Variants in GALNT10 observed in about 807,000 individuals in gnomAD.
GALNT10 encodes the protein GalNAc transferase 10.
A neutral mutation model predicts 75.0 loss-of-function variants in GALNT10; 41 were observed. The observed-to-expected ratio is 0.55, with a 90% CI of 0.43 to 0.71. The LOEUF (loss-of-function observed/expected upper bound fraction) is 0.71, where lower values mean the gene tolerates loss of function less well. Ranked by LOEUF, GALNT10 falls within the 30% of genes least tolerant of loss-of-function variation. The probability of loss-of-function intolerance (pLI) is 0.00; values close to 1 mark genes in which losing one functional copy is unlikely to be tolerated. For missense variants in GALNT10, 727 were observed against 818.5 expected, an observed-to-expected ratio of 0.89 and a Z score of 1.36; for synonymous variants, 302 against 313.0, an observed-to-expected ratio of 0.96 and a Z score of 0.37.
chr5:154,225,431 C>T (rs11746750), intron 1 of GALNT10, among the ~76,000 whole-genome samples: 3,474 of 151,456 alleles, frequency 0.023, 62 homozygotes, highest in Non-Finnish European at 0.035. Flanking sequence ...CACTCTGTCG[C>T]CCAGGCTGGA....
chr5:154,387,167 A>G (rs1424956915), intron 7 of GALNT10: 1 of 152,252 alleles, frequency 6.6e-6, no homozygotes, highest in Non-Finnish European at 1.5e-5. Context: ...AACCTACTTG[A>G]CCAGCCTATG....
At chr5:154,354,717 T>A (rs932346842) in intron 4 of GALNT10, among the ~76,000 whole-genome samples, 1 of 152,166 alleles carries the variant, frequency 6.6e-6, no homozygotes, top group African/African-American at 2.4e-5. Flanking sequence ...TTAAGGACAT[T>A]ACAGAAGGCA....
intron 7 of GALNT10, among the ~76,000 whole-genome samples, chr5:154,397,993 C>T (rs1399389066): frequency 6.6e-6 from 1 of 152,210 alleles, no homozygotes; most frequent in East Asian, 1.9e-4. Flanking sequence ...CTTTTATAGG[C>T]ACTGTAATGA....
chr5:154,313,933 T>G (rs192176449), intron 3 of GALNT10, among the ~76,000 whole-genome samples: 4 of 152,322 alleles, frequency 2.6e-5, no homozygotes, highest in Admixed American at 2.6e-4. Context: ...GACTTCCACT[T>G]AGTCAGTTTC....
intron 3 of GALNT10, among the ~76,000 whole-genome samples, chr5:154,309,032 AG>A (rs1434778704): frequency 6.6e-6 from 1 of 152,212 alleles, no homozygotes; most frequent in Non-Finnish European, 1.5e-5. Flanking sequence ...GATAGCAATA[AG>A]TGATGTGGGG....
At position 154,286,469 on chromosome 5, in the gene GALNT10, G is replaced by A. The variant is rs1478325656; in HGVS notation, c.160-8347G>A. On this transcript the variant is annotated intron_variant, in intron 1 of 11. Coordinates refer to ENST00000297107, the MANE Select transcript of GALNT10 (RefSeq NM_198321.4). Reference sequence around the variant, plus strand: ...GAAATTGTTCTTTTAGAATGGAAGGGAAAAGCTACTGAAGGTTCTATTTGC... The same window carrying A: ...GAAATTGTTCTTTTAGAATGGAAGGAAAAAGCTACTGAAGGTTCTATTTGC... Among the ~76,000 whole-genome samples the A allele has an allele frequency of 2.0e-5, 3 of 151,586 alleles. No individual in the cohort carries two copies. In the East Asian group the frequency reaches 5.8e-4, roughly 29 times the overall value.
intron 4 of GALNT10, among the ~76,000 whole-genome samples, chr5:154,341,550 A>G (rs1340768353): frequency 6.6e-6 from 1 of 152,208 alleles, no homozygotes; most frequent in Non-Finnish European, 1.5e-5. Context: ...ATGGTTTAGA[A>G]TATTCTAAAT....
intron 1 of GALNT10, among the ~76,000 whole-genome samples, chr5:154,249,529 G>GT (rs1259507275): frequency 6.6e-6 from 1 of 151,952 alleles, no homozygotes; most frequent in Non-Finnish European, 1.5e-5. Flanking sequence ...TTAATCCTAT[G>GT]CCCACCACCA....
intron 1 of GALNT10, among the ~76,000 whole-genome samples, chr5:154,290,258 ATTTTTTTTTTT>A (rs71577131): frequency 1.0e-5 from 1 of 98,918 alleles, no homozygotes; most frequent in African/African-American, 4.0e-5. Flanking sequence ...CACTCAGCTA[ATTTTTTTTTTT>A]TTTTTTTTTT....
chr5:154,274,953 C>G (rs549258565), intron 1 of GALNT10, among the ~76,000 whole-genome samples: 21 of 152,310 alleles, frequency 1.4e-4, no homozygotes, highest in African/African-American at 4.6e-4. Flanking sequence ...GGCCACTCCC[C>G]CTTCACAACA....
Position 154,380,443 on chromosome 5 carries a change from T to A in GALNT10, c.755-5T>A, listed in dbSNP as rs369777038. On this transcript the variant is annotated splice_region_variant and splice_polypyrimidine_tract_variant and intron_variant, in intron 5 of 11. Transcript: ENST00000297107. ...CATCTGATAGGCATCTCTTGGCTTC[T>A]TCAGACCGCATTGCTCGGAACCGCA... The A allele has an allele frequency of 6.2e-7, 1 of 1,612,014 alleles. No homozygotes were observed. The highest frequency in any genetic ancestry group is 1.1e-5 in the South Asian group (1 of 90,880).
At chr5:154,277,579 A>G (rs73805851) in intron 1 of GALNT10, among the ~76,000 whole-genome samples, 1,589 of 152,252 alleles carry the variant, frequency 0.01, 26 homozygotes, top group African/African-American at 0.037. Flanking sequence ...AAACTCTAGA[A>G]TGAAAGAAAT....
At chr5:154,362,860 G>T (rs1194373005) in intron 4 of GALNT10, among the ~76,000 whole-genome samples, 1 of 152,150 alleles carries the variant, frequency 6.6e-6, no homozygotes, top group Non-Finnish European at 1.5e-5. Flanking sequence ...CTAGCTCTCT[G>T]CAAAGTATAT....
rs1756422989 is a variant in GALNT10 at position 154,412,692 on chromosome 5, A to C, written c.1387-197A>C. 3.5e-6 allele frequency: 2 copies of C among 578,998 alleles called. No homozygotes were observed. Among genetic ancestry groups the C allele is most frequent in the South Asian group, 3.7e-5 (2 of 53,880 alleles). The allele number at this position is 578,998 out of a possible 1,614,324, so 35.9% of individuals were successfully genotyped here. On this transcript the variant is annotated intron_variant, in intron 9 of 11. Transcript: ENST00000297107. The surrounding 1 kb of genome is among the most constrained non-coding windows in gnomAD (Gnocchi z 4.2). ...TACTACTTACAGCAGTGCTTTAAGG[A>C]TTACATTCTGTGGACTGAGTCTTCC...
intron 3 of GALNT10, among the ~76,000 whole-genome samples, chr5:154,314,078 C>T (rs1015613796): frequency 6.6e-5 from 10 of 152,152 alleles, no homozygotes; most frequent in Admixed American, 5.2e-4. Flanking sequence ...TGACCTATAC[C>T]GTGGCCTCTG....
chr5:154,192,601 G>C (rs1581912003), intron 1 of GALNT10, among the ~76,000 whole-genome samples: 1 of 152,136 alleles, frequency 6.6e-6, no homozygotes, highest in Admixed American at 6.5e-5. Context: ...CATGATTATT[G>C]GTCCAGTTCT....
chr5:154,410,887 T>C (rs1756385266), intron 9 of GALNT10, among the ~76,000 whole-genome samples: 2 of 152,186 alleles, frequency 1.3e-5, no homozygotes, highest in African/African-American at 4.8e-5. Context: ...GATAAAATTA[T>C]TCAGAATTTC....
intron 1 of GALNT10, among the ~76,000 whole-genome samples, chr5:154,210,998 A>C (rs896558439): frequency 1.3e-5 from 2 of 152,234 alleles, no homozygotes; most frequent in African/African-American, 4.8e-5. Context: ...AGATGTGGAG[A>C]ATGATAACAG....
Position 154,416,265 on chromosome 5 carries a change from C to T in GALNT10, c.1653+333C>T, listed in dbSNP as rs1354461385. 6.6e-6 allele frequency among the ~76,000 whole-genome samples: 1 copy of T among 151,550 alleles called. No individual in the cohort carries two copies. Among genetic ancestry groups the T allele is most frequent in the African/African-American group, 2.4e-5 (1 of 41,196 alleles). ...GACTAGCCTGGCCAACATGGTGAAA[C>T]CCCGTCTCTATACAAAAATCAGCCA... On this transcript the variant is annotated intron_variant, in intron 11 of 11. Coordinates refer to ENST00000297107, the MANE Select transcript of GALNT10 (RefSeq NM_198321.4). The surrounding 1 kb of genome is among the most constrained non-coding windows in gnomAD (Gnocchi z 4.5).
Sources: allele counts gnomAD v4.1 joint callset (sites outside exome capture counted in the v4.1 genomes callset), GRCh38; gene constraint gnomAD v4.1.1; non-coding constraint Gnocchi (gnomAD v3.1); transcripts MANE v1.5; gene names NCBI Gene and HGNC (gene_info 2026-07-23, HGNC 2026-07-21).